Variants in FAM13A observed in about 807,000 individuals in gnomAD.
FAM13A encodes the protein protein FAM13A.
A neutral mutation model predicts 129.6 loss-of-function variants in FAM13A; 76 were observed. The ratio of observed to expected loss-of-function variants is 0.59; its 90% CI spans 0.49 to 0.71. The LOEUF is 0.71. FAM13A is among the 30% of genes least tolerant of loss of function. The probability of loss-of-function intolerance (pLI) is 0.00; values close to 1 mark genes in which losing one functional copy is unlikely to be tolerated. For synonymous variants in FAM13A, 443 were observed against 449.9 expected (o/e 0.98, Z 0.20); for missense variants, 1,108 against 1,249.3 (o/e 0.89, Z 1.70).
At chr4:89,018,858 A>T (rs922061506) in intron 3 of FAM13A, among the ~76,000 whole-genome samples, 24 of 152,374 alleles carry the variant, frequency 1.6e-4, no homozygotes, top group Admixed American at 1.4e-3. Flanking sequence ...GGGTGGCAGC[A>T]CAAGAAGGCA....
chr4:88,989,080 C>T (rs1011218086), intron 4 of FAM13A, among the ~76,000 whole-genome samples: 1 of 150,134 alleles, frequency 6.7e-6, no homozygotes, highest in African/African-American at 2.5e-5. Flanking sequence ...TGATGGTGGG[C>T]GCCTATAATC....
At chr4:88,832,736 G>C (rs763629412) in intron 7 of FAM13A, among the ~76,000 whole-genome samples, 2 of 152,132 alleles carry the variant, frequency 1.3e-5, no homozygotes, top group African/African-American at 4.8e-5. Flanking sequence ...AACAACAGAG[G>C]CTGGCAAGGT....
intron 7 of FAM13A, among the ~76,000 whole-genome samples, chr4:88,829,070 G>A (rs1306933461): frequency 6.6e-6 from 1 of 152,168 alleles, no homozygotes. Context: ...AAACCATGTG[G>A]CTGTGTTTCT....
chr4:88,984,794 A>G (rs1210623066), intron 4 of FAM13A, among the ~76,000 whole-genome samples: 1 of 152,124 alleles, frequency 6.6e-6, no homozygotes, highest in Non-Finnish European at 1.5e-5. Flanking sequence ...TTGCATGATA[A>G]GCACATCCCA....
chr4:88,926,014 G>C (rs1040542249), intron 5 of FAM13A, among the ~76,000 whole-genome samples: 3 of 152,158 alleles, frequency 2.0e-5, no homozygotes, highest in Non-Finnish European at 2.9e-5. Context: ...AGTTTATGCG[G>C]GTGGTTCTGC....
Position 89,029,578 on chromosome 4 carries a change from C to G in FAM13A, c.99G>C (p.Lys33Asn), listed in dbSNP as rs928314975. 6.3e-7 allele frequency: 1 copy of G among 1,589,848 alleles called. No homozygotes were observed. The highest frequency in any genetic ancestry group is 1.9e-5 in the Admixed American group (1 of 52,666). Residue 33 changes from lysine (K) to asparagine (N), a missense_variant, in exon 2 of 24, where the codon AAG becomes AAC. This residue lies in a region of FAM13A where 566 missense variants were observed against 595.7 expected (regional missense o/e 0.95). Transcript: ENST00000264344. Reference protein sequence around the residue: ...KIVAVPLNEQKDFTYQKLFGV... With the variant: ...KIVAVPLNEQNDFTYQKLFGV... Reference sequence around the variant, plus strand: ...CAAATAACTTCTGATAGGTAAAATCCTTCTGTTCATTTAATGGCACTGCCA... The same window carrying G: ...CAAATAACTTCTGATAGGTAAAATCGTTCTGTTCATTTAATGGCACTGCCA...
intron 6 of FAM13A, among the ~76,000 whole-genome samples, chr4:88,866,037 A>G (rs1433689661): frequency 6.7e-6 from 1 of 149,796 alleles, no homozygotes; most frequent in Non-Finnish European, 1.5e-5. Context: ...ATGTTCCACT[A>G]ATTTTTGTAT....
At chr4:88,802,261 G>A (rs1727615023) in intron 8 of FAM13A, among the ~76,000 whole-genome samples, 1 of 151,454 alleles carries the variant, frequency 6.6e-6, no homozygotes, top group Admixed American at 6.6e-5. Context: ...CATTTCAACT[G>A]GGCTGGTAAT....
At chr4:88,812,998 T>A (rs1578777705) in intron 7 of FAM13A, among the ~76,000 whole-genome samples, 1 of 152,230 alleles carries the variant, frequency 6.6e-6, no homozygotes, top group Non-Finnish European at 1.5e-5. Flanking sequence ...AATCTTCAGC[T>A]GTGCCATGGG....
chr4:88,830,984 CTTTT>C (rs58415960), intron 7 of FAM13A, among the ~76,000 whole-genome samples: 30 of 143,530 alleles, frequency 2.1e-4, no homozygotes, highest in African/African-American at 6.1e-4. Flanking sequence ...CATGTGGATG[CTTTT>C]TTTTTTTTAA....
At chr4:89,003,773 C>T (rs552695728) in intron 3 of FAM13A, among the ~76,000 whole-genome samples, 8 of 152,000 alleles carry the variant, frequency 5.3e-5, no homozygotes, top group Admixed American at 2.6e-4. Context: ...TATCAATATT[C>T]GAAGAAATTG....
intron 5 of FAM13A, among the ~76,000 whole-genome samples, chr4:88,923,210 A>T (rs1289684145): frequency 6.6e-6 from 1 of 152,238 alleles, no homozygotes; most frequent in Non-Finnish European, 1.5e-5. Flanking sequence ...TGAGGCCAGC[A>T]TCATCCTGAT....
At position 88,790,611 on chromosome 4, in the gene FAM13A, C is replaced by G; in HGVS notation, c.1066G>C (p.Val356Leu). Residue 356 changes from valine (V) to leucine (L), a missense_variant, in exon 9 of 24, where the codon GTC (valine) becomes CTC (leucine). Around this residue, in one of 3 missense-constraint regions of FAM13A, gnomAD observed 566 missense variants for 595.7 expected, o/e 0.95. Transcript: ENST00000264344. ...PFYLSAHVPQ[V>L]SNVSATGELL... ...TCTCCGGTTGCAGACACATTGCTGA[C>G]TTGGGGTACATGAGCACTGCAGAAA... 6.2e-7 allele frequency: 1 copy of G among 1,607,954 alleles called. No homozygotes were observed. Among genetic ancestry groups the G allele is most frequent in the Non-Finnish European group, 8.5e-7 (1 of 1,177,040 alleles).
Position 88,952,280 on chromosome 4 carries a change from T to A in FAM13A, c.606-14039A>T, listed in dbSNP as rs1001536412. The stretch of plus-strand genomic sequence containing the variant: ...AGGGGAATAAATACCAAGAAACACA[T>A]GTTCTTCACCGAGAGCTCAGCCTGT... On this transcript the variant is annotated intron_variant, in intron 4 of 23. Coordinates refer to ENST00000264344, the MANE Select transcript of FAM13A (RefSeq NM_014883.4). 6.6e-5 allele frequency among the ~76,000 whole-genome samples: 10 copies of A among 152,052 alleles called. No homozygotes were observed. The South Asian group carries it at 2.1e-3, about 32-fold the overall frequency.
chr4:88,790,573 C>T lies in FAM13A; in HGVS notation c.1091+13G>A, dbSNP rs772394784. The T allele has an allele frequency of 6.3e-7, 1 of 1,599,408 alleles. No homozygotes were observed. The highest frequency in any genetic ancestry group is 2.2e-5 in the East Asian group (1 of 44,502). ...AAAACCCAAAGCCCAAAAACCCAAC[C>T]CAAATAACTTACTCTCCGGTTGCAG... On this transcript the variant is annotated intron_variant, in intron 9 of 23. Coordinates refer to ENST00000264344, the MANE Select transcript of FAM13A (RefSeq NM_014883.4).
chr4:89,028,206 C>CAA (rs35426702), intron 2 of FAM13A, among the ~76,000 whole-genome samples: 1,595 of 78,528 alleles, frequency 0.02, 39 homozygotes, highest in African/African-American at 0.069. Flanking sequence ...ACCTCCGTCT[C>CAA]AAAAAAAAAA....
chr4:88,862,530 G>C (rs965052693), intron 6 of FAM13A, among the ~76,000 whole-genome samples: 1 of 152,166 alleles, frequency 6.6e-6, no homozygotes, highest in Non-Finnish European at 1.5e-5. Flanking sequence ...TTTTATAACA[G>C]TTATTATGTC....
intron 11 of FAM13A, among the ~76,000 whole-genome samples, chr4:88,774,245 C>T (rs1450439414): frequency 1.3e-5 from 2 of 152,184 alleles, no homozygotes; most frequent in East Asian, 3.8e-4. Flanking sequence ...ACTTTCCATC[C>T]TCTTTACCCT....
chr4:88,862,923 A>G (rs1484234698), intron 6 of FAM13A, among the ~76,000 whole-genome samples: 1 of 145,440 alleles, frequency 6.9e-6, no homozygotes, highest in Non-Finnish European at 1.5e-5. Flanking sequence ...CATCATGAGG[A>G]AAAAAAAAAA....
Sources: gnomAD v4.1 joint callset for allele counts (sites outside exome capture counted in the v4.1 genomes callset) on GRCh38, gnomAD v4.1.1 for gene constraint, gnomAD v4.1.1 regional missense constraint, MANE v1.5 for transcripts, NCBI Gene and HGNC (gene_info 2026-07-23, HGNC 2026-07-21) for gene names.